UROD: variants seen among roughly 807,000 people sequenced by gnomAD.
UROD encodes uroporphyrinogen decarboxylase.
Under a neutral mutation model 47.1 loss-of-function variants are expected in UROD, and 34 were observed. The ratio of observed to expected loss-of-function variants is 0.72; its 90% CI spans 0.55 to 0.96. The LOEUF is 0.96. UROD is among the 40% of genes least tolerant of loss of function. UROD has a pLI of 0.00. For missense variants in UROD, 381 were observed against 471.8 expected (o/e 0.81, Z 1.78); for synonymous variants, 148 against 175.8 (o/e 0.84, Z 1.25).
chr1:45,015,330 C>T lies in UROD; in HGVS notation c.943-7C>T, dbSNP rs1455107182. On this transcript the variant is annotated splice_region_variant and splice_polypyrimidine_tract_variant and intron_variant, in intron 9 of 9. Transcript: ENST00000246337. ...CTCCTGTAGCCAGTGCCCTGTTGGT[C>T]CCCCAGGAGGAGATCGGGCAGTTGG... 5.6e-6 allele frequency: 9 copies of T among 1,613,586 alleles called. No individual in the cohort carries two copies. Among genetic ancestry groups the T allele is most frequent in the Admixed American group, 1.7e-5 (1 of 59,962 alleles).
In UROD at chr1:45,013,713, CTA is replaced by C. The variant is rs759934980; in HGVS notation, c.398_399del (p.Tyr133CysfsTer34). On this transcript the variant is annotated frameshift_variant, in exon 5 of 10. Coordinates refer to ENST00000246337, the MANE Select transcript of UROD (RefSeq NM_000374.5). LOFTEE classifies it high-confidence loss of function. The surrounding 1 kb of genome is among the most constrained non-coding windows in gnomAD (Gnocchi z 4.2). ...CAGAAGTGGTAGCCTCTGAGCTAGGCTATGTGTTCCAAGCCATCACCCTTACC... is the reference window on the plus strand; with the variant it reads ...CAGAAGTGGTAGCCTCTGAGCTAGGCTGTGTTCCAAGCCATCACCCTTACC... ...DPEVVASELG[Y>X]VFQAITLTRQ... 3.1e-6 allele frequency: 5 copies of C among 1,614,026 alleles called. No individual in the cohort carries two copies. Among genetic ancestry groups the C allele is most frequent in the Non-Finnish European group, 4.2e-6 (5 of 1,180,054 alleles).
intron 1 of UROD, 101 bp downstream of exon 1, chr1:45,012,386 C>T: frequency 3.9e-6 from 6 of 1,533,016 alleles, no homozygotes; most frequent in Non-Finnish European, 5.4e-6. Context: ...ACCCTGGAGA[C>T]CTCCCAACCT....
Position 45,014,544 on chromosome 1 carries a change from T to G in UROD, c.742T>G (p.Leu248Val). The G allele has an allele frequency of 6.2e-7, 1 of 1,614,182 alleles. No individual in the cohort carries two copies. The highest frequency in any genetic ancestry group is 8.5e-7 in the Non-Finnish European group (1 of 1,180,042). ...RDVAKQVKAR[L>V]REAGLAPVPM... is the part of the protein sequence containing the mutation. ...TGTGGCCAAGCAAGTGAAGGCCAGG[T>G]TGCGGGAGGCAGGCCTGGCACCAGT... The change falls in exon 7 of 10, where the codon TTG (leucine) becomes GTG (valine). Residue 248 changes from leucine to valine, a missense_variant. Coordinates refer to ENST00000246337, the MANE Select transcript of UROD (RefSeq NM_000374.5).
At chr1:45,014,602 A>AGGTG (rs2148983310) in intron 7 of UROD, 26 bp downstream of exon 7, 2 of 1,614,068 alleles carry the variant, frequency 1.2e-6, no homozygotes, top group African/African-American at 1.3e-5. Context: ...GGTTGAGTGA[A>AGGTG]GGTGGTCCTG....
chr1:45,012,794 G>A (rs1421728575), intron 1 of UROD, 113 bp from the exon 2 acceptor site: 1 of 1,551,890 alleles, frequency 6.4e-7, no homozygotes, highest in African/African-American at 1.4e-5. Context: ...TTGGGAGCTG[G>A]CCTGGAGGAG....
chr1:45,014,311 TAC>T, intron 6 of UROD, 126 bp from the exon 7 acceptor site: 2 of 1,484,676 alleles, frequency 1.3e-6, no homozygotes, highest in Non-Finnish European at 1.9e-6. Flanking sequence ...TTTTTTTAAT[TAC>T]TGGGTTTTTA....
At position 45,013,613 on chromosome 1, in the gene UROD, C is replaced by T. The variant is rs764836186; in HGVS notation, c.296C>T (p.Thr99Ile). 35 of 1,614,142 alleles carry T rather than the reference C, an allele frequency of 2.2e-5. No individual in the cohort carries two copies. Among genetic ancestry groups the T allele is most frequent in the Non-Finnish European group, 2.9e-5 (34 of 1,180,026 alleles). ...CTCCAGGCACTGGGCATGGAGGTGACCATGGTACCTGGCAAAGGACCCAGC... is the reference window on the plus strand; with the variant it reads ...CTCCAGGCACTGGGCATGGAGGTGATCATGGTACCTGGCAAAGGACCCAGC... ...VVPQALGMEV[T>I]MVPGKGPSFP... The change falls in exon 5 of 10, where the codon ACC (threonine) becomes ATC (isoleucine). Residue 99 changes from threonine (T) to isoleucine (I), a missense_variant. Physicochemically the swap from Thr to Ile is moderately conservative, Grantham distance 89 (BLOSUM62 -1). Transcript: ENST00000246337. The surrounding 1 kb of genome is among the most constrained non-coding windows in gnomAD (Gnocchi z 4.2).
At chr1:45,014,214 C>A in intron 6 of UROD, 144 bp downstream of exon 6, 1 of 1,336,094 alleles carries the variant, frequency 7.5e-7, no homozygotes, top group Non-Finnish European at 1.1e-6. Flanking sequence ...AGCAGCCAAG[C>A]CCATCCTGAC....
chr1:45,014,752 A>G lies in UROD; in HGVS notation c.791A>G (p.Asp264Gly), dbSNP rs1644835081. ...APVPMIIFAK[D>G]GHFALEELAQ... ...TTTTTCTAGATCATCTTTGCTAAGG[A>G]TGGGCATTTTGCCCTGGAGGAGCTG... Residue 264 changes from aspartate to glycine, a missense_variant, in exon 8 of 10, where the codon GAT becomes GGT. By Grantham distance (94) the Asp-to-Gly change is moderately conservative (BLOSUM62 -1). Coordinates refer to ENST00000246337, the MANE Select transcript of UROD (RefSeq NM_000374.5). 6.2e-7 allele frequency: 1 copy of G among 1,614,236 alleles called. No individual in the cohort carries two copies. The highest frequency in any genetic ancestry group is 8.5e-7 in the Non-Finnish European group (1 of 1,180,040).
Position 45,012,963 on chromosome 1 carries a change from A to T in UROD, c.77A>T (p.Glu26Val), listed in dbSNP as rs1270972124. 9 of 1,612,560 alleles carry T rather than the reference A, an allele frequency of 5.6e-6. No individual in the cohort carries two copies. The highest frequency in any genetic ancestry group is 7.6e-6 in the Non-Finnish European group (9 of 1,179,868). ...ACATTCCTGCGAGCAGCCTGGGGAG[A>T]GGAAACAGACTACACTCCCGTTTGG... The part of the protein sequence containing the change: ...NDTFLRAAWG[E>V]ETDYTPVWCM... Residue 26 changes from glutamate to valine, a missense_variant, in exon 2 of 10, where the codon GAG becomes GTG. Glu to Val is a moderately radical substitution (Grantham distance 121). Coordinates refer to ENST00000246337, the MANE Select transcript of UROD (RefSeq NM_000374.5).
In UROD at chr1:45,014,466, G is replaced by C. The variant is rs746529913; in HGVS notation, c.664G>C (p.Gly222Arg). The change falls in exon 7 of 10, where the codon GGG becomes CGG. Residue 222 changes from glycine to arginine, a missense_variant. By Grantham distance (125) the Gly-to-Arg change is moderately radical (BLOSUM62 -2). Transcript: ENST00000246337. ...QALQLFESHA[G>R]HLGPQLFNKF... is the part of the protein sequence containing the mutation. The stretch of plus-strand genomic sequence containing the variant: ...ATTGCAGCTGTTTGAGTCCCATGCA[G>C]GGCATCTTGGCCCACAGCTCTTCAA... The C allele has an allele frequency of 2.5e-6, 4 of 1,614,088 alleles. No individual in the cohort carries two copies. The highest frequency in any genetic ancestry group is 1.1e-5 in the South Asian group (1 of 91,092).
chr1:45,014,410 C>T, intron 6 of UROD, 29 bp from the exon 7 acceptor site: 1 of 1,613,842 alleles, frequency 6.2e-7, no homozygotes, highest in Non-Finnish European at 8.5e-7. Context: ...TTGTGTGTTA[C>T]ATATTTTTCT....
Position 45,014,725 on chromosome 1 carries a change from C to T in UROD, c.775-11C>T. On this transcript the variant is annotated splice_polypyrimidine_tract_variant and intron_variant, in intron 7 of 9. Transcript: ENST00000246337. The stretch of plus-strand genomic sequence containing the variant: ...AAGGCCCTCTGTAGCCTGAGATCTG[C>T]TTTTTTCTAGATCATCTTTGCTAAG... 1 of 1,614,190 alleles carries T rather than the reference C, an allele frequency of 6.2e-7. No homozygotes were observed. Among genetic ancestry groups the T allele is most frequent in the Non-Finnish European group, 8.5e-7 (1 of 1,180,026 alleles).
intron 8 of UROD, 22 bp from the exon 9 acceptor site, chr1:45,014,918 G>A (rs369420428): frequency 5.0e-6 from 8 of 1,614,072 alleles, no homozygotes; most frequent in East Asian, 2.2e-5. Context: ...TTACCAGAAC[G>A]TGGCGCTGGC....
chr1:45,013,797 G>T lies in UROD; in HGVS notation c.474+6G>T, dbSNP rs936671061. Reference sequence around the variant, plus strand: ...TTGGCTTTGCTGGTGCCCCAGTAATGTGGGACAGGGCAGGGACTCGGGGCG... The same window carrying T: ...TTGGCTTTGCTGGTGCCCCAGTAATTTGGGACAGGGCAGGGACTCGGGGCG... On this transcript the variant is annotated splice_donor_region_variant and intron_variant, in intron 5 of 9. Coordinates refer to ENST00000246337, the MANE Select transcript of UROD (RefSeq NM_000374.5). This position sits in a 1 kb window ranked among gnomAD's most constrained non-coding sequence, Gnocchi z 4.2. 6.2e-7 allele frequency: 1 copy of T among 1,614,074 alleles called. No homozygotes were observed. The highest frequency in any genetic ancestry group is 8.5e-7 in the Non-Finnish European group (1 of 1,180,052).
intron 1 of UROD, chr1:45,012,698 G>T: frequency 9.9e-7 from 1 of 1,007,880 alleles, no homozygotes; most frequent in Non-Finnish European, 1.4e-6. Flanking sequence ...ACTAAGTGGA[G>T]GGAAGAGGCC....
At chr1:45,014,366 G>C in intron 6 of UROD, 73 bp from the exon 7 acceptor site, 1 of 1,610,174 alleles carries the variant, frequency 6.2e-7, no homozygotes, top group Non-Finnish European at 8.5e-7. Flanking sequence ...GGGGAAAATT[G>C]AGGTGGATTT....
chr1:45,015,130 C>A, intron 9 of UROD, 124 bp downstream of exon 9: 1 of 1,520,402 alleles, frequency 6.6e-7, no homozygotes, highest in East Asian at 2.3e-5. Flanking sequence ...ACAACATAAG[C>A]CCTAGAAAGA....
intron 1 of UROD, 123 bp from the exon 2 acceptor site, chr1:45,012,784 T>C: frequency 6.5e-7 from 1 of 1,545,064 alleles, no homozygotes; most frequent in Non-Finnish European, 8.8e-7. Context: ...AAGCCAGGGT[T>C]TGGGAGCTGG....
Sources: allele counts gnomAD v4.1 joint callset, GRCh38; gene constraint gnomAD v4.1.1; non-coding constraint Gnocchi (gnomAD v3.1); transcripts MANE v1.5; gene names NCBI Gene and HGNC (gene_info 2026-07-23, HGNC 2026-07-21).